The following DAB1 variants were observed in gnomAD, a reference collection of about 807,000 sequenced individuals.
The protein encoded by DAB1 is disabled homolog 1.
A neutral mutation model predicts 64.6 loss-of-function variants in DAB1; 15 were observed. The observed-to-expected ratio is 0.23, with a 90% CI of 0.16 to 0.36. The LOEUF is 0.36. Ranked by LOEUF, DAB1 falls within the 10% of genes least tolerant of loss-of-function variation. The pLI is 1.00. For missense variants in DAB1, 596 were observed against 706.7 expected (o/e 0.84, Z 1.78); for synonymous variants, 235 against 251.9 (o/e 0.93, Z 0.64).
intron 2 of DAB1, among the ~76,000 whole-genome samples, chr1:57,232,166 T>A (rs1667724704): frequency 6.6e-6 from 1 of 152,136 alleles, no homozygotes; most frequent in Non-Finnish European, 1.5e-5. Context: ...ACTTTAGGTT[T>A]TTATATGACA....
chr1:58,347,595 G>A (rs998370129), intron 3 of DAB1, among the ~76,000 whole-genome samples: 1 of 152,188 alleles, frequency 6.6e-6, no homozygotes, highest in Non-Finnish European at 1.5e-5. Flanking sequence ...CCACCTTTGT[G>A]CACAGTGCTA....
chr1:57,389,717 C>A (rs990299451), intron 1 of DAB1, among the ~76,000 whole-genome samples: 1 of 152,114 alleles, frequency 6.6e-6, no homozygotes, highest in African/African-American at 2.4e-5. Flanking sequence ...TGACCAATAG[C>A]TATTTCCATA....
At chr1:58,187,609 C>A (rs908623482) in intron 4 of DAB1, among the ~76,000 whole-genome samples, 2 of 149,908 alleles carry the variant, frequency 1.3e-5, no homozygotes, top group East Asian at 1.9e-4. Context: ...GAAAGAGTTG[C>A]ACTCTTGTCA....
intron 5 of DAB1, among the ~76,000 whole-genome samples, chr1:57,976,676 C>T (rs58962770): frequency 0.011 from 1,618 of 152,156 alleles, 17 homozygotes; most frequent in Middle Eastern, 0.041. Context: ...TTTCTCTGCA[C>T]CGAAAAAGAA....
At position 58,274,613 on chromosome 1, in the gene DAB1, C is replaced by T. The variant is rs574371905; in HGVS notation, n.309+68739G>A. 4.1e-3 allele frequency among the ~76,000 whole-genome samples: 616 copies of T among 151,602 alleles called. 3 individuals carry two copies. Among genetic ancestry groups the T allele is most frequent in the Middle Eastern group, 6.8e-3 (2 of 294 alleles). ...GGCGCCCCTCCCCCAGCCTCGCTGCCGCCTTGCAGTTTGATCTCAGACTTC... is the reference window on the plus strand; with the variant it reads ...GGCGCCCCTCCCCCAGCCTCGCTGCTGCCTTGCAGTTTGATCTCAGACTTC... On this transcript the variant is annotated intron_variant and non_coding_transcript_variant, in intron 4 of 20. Transcript: ENST00000485760.
At chr1:57,203,612 G>T (rs1037097690) in intron 2 of DAB1, among the ~76,000 whole-genome samples, 1 of 152,160 alleles carries the variant, frequency 6.6e-6, no homozygotes, top group African/African-American at 2.4e-5. Flanking sequence ...GGCCAGTGGG[G>T]GTTCTTGTAA....
intron 2 of DAB1, among the ~76,000 whole-genome samples, chr1:58,522,804 TAAGG>T (rs1044839744): frequency 4.6e-5 from 7 of 152,142 alleles, no homozygotes; most frequent in African/African-American, 1.7e-4. Context: ...AAGAAAACCA[TAAGG>T]AAGAGAAAAT....
chr1:57,419,752 T>C, intron 1 of DAB1, among the ~76,000 whole-genome samples: 1 of 152,350 alleles, frequency 6.6e-6, no homozygotes, highest in Non-Finnish European at 1.5e-5. Context: ...GTTATTTCAT[T>C]ATAAAGAAAA....
intron 2 of DAB1, among the ~76,000 whole-genome samples, chr1:57,265,857 C>T (rs1026433073): frequency 6.6e-6 from 1 of 152,120 alleles, no homozygotes; most frequent in African/African-American, 2.4e-5. Flanking sequence ...ATTTTGACCC[C>T]AAACAAAAAT....
chr1:57,546,105 ACG>A (rs1558480145), intron 7 of DAB1, among the ~76,000 whole-genome samples: 4 of 150,522 alleles, frequency 2.7e-5, no homozygotes, highest in East Asian at 2.0e-4. Context: ...GTGTGCGCGC[ACG>A]TGTGCATGTT....
chr1:58,514,777 A>G (rs1373333897), intron 2 of DAB1, among the ~76,000 whole-genome samples: 1 of 152,218 alleles, frequency 6.6e-6, no homozygotes, highest in Non-Finnish European at 1.5e-5. Context: ...TTTAGAAGCA[A>G]TACTGCAGAA....
intron 3 of DAB1, among the ~76,000 whole-genome samples, chr1:57,144,995 AT>A (rs1658976853): frequency 6.6e-6 from 1 of 152,170 alleles, no homozygotes; most frequent in Admixed American, 6.5e-5. Context: ...CAATTTGATA[AT>A]TTTTTGCTTT....
chr1:57,995,825 A>G (rs76433154), intron 5 of DAB1, among the ~76,000 whole-genome samples: 39 of 146,906 alleles, frequency 2.7e-4, no homozygotes, highest in African/African-American at 8.2e-4. Context: ...GGTTTCTCAG[A>G]AAAAAAAAAA....
intron 12 of DAB1, among the ~76,000 whole-genome samples, chr1:57,012,012 G>A (rs1248659273): frequency 6.6e-6 from 1 of 152,152 alleles, no homozygotes; most frequent in African/African-American, 2.4e-5. Context: ...CATTTTCTGG[G>A]CTGACCCACC....
intron 5 of DAB1, among the ~76,000 whole-genome samples, chr1:58,067,817 T>G (rs138979383): frequency 2.0e-5 from 3 of 152,300 alleles, no homozygotes; most frequent in Admixed American, 2.0e-4. Flanking sequence ...GGGTAATGAG[T>G]GTTCCATACA....
At chr1:58,485,984 G>C (rs1417164839) in intron 3 of DAB1, among the ~76,000 whole-genome samples, 3 of 152,194 alleles carry the variant, frequency 2.0e-5, no homozygotes, top group South Asian at 2.1e-4. Context: ...AGGAAGATTT[G>C]AAGTTAAATA....
intron 1 of DAB1, among the ~76,000 whole-genome samples, chr1:57,296,537 T>C (rs1337178917): frequency 2.0e-5 from 3 of 151,954 alleles, no homozygotes; most frequent in Admixed American, 6.6e-5. Context: ...TTCCAGAAAT[T>C]AAGTGCTCAA....
chr1:57,041,990 T>G (rs926923599), intron 9 of DAB1, among the ~76,000 whole-genome samples: 9 of 152,180 alleles, frequency 5.9e-5, no homozygotes, highest in Non-Finnish European at 1.0e-4. Context: ...CACTCCACCA[T>G]GGTTCCTCTC....
intron 3 of DAB1, among the ~76,000 whole-genome samples, chr1:58,345,453 A>G (rs1394422345): frequency 6.6e-6 from 1 of 152,198 alleles, no homozygotes; most frequent in African/African-American, 2.4e-5. Context: ...CCTGAAATCA[A>G]TATTCCCTCA....
Sources: gnomAD v4.1 joint callset for allele counts (sites outside exome capture counted in the v4.1 genomes callset) on GRCh38, gnomAD v4.1.1 for gene constraint, MANE v1.5 for transcripts, NCBI Gene and HGNC (gene_info 2026-07-23, HGNC 2026-07-21) for gene names.